MUC7: variants seen among roughly 807,000 people sequenced by gnomAD.
MUC7 encodes the protein mucin-7.
In MUC7, 2 loss-of-function variants were observed where a neutral mutation model predicts 2.5. That is an observed-to-expected ratio of 0.81 (90% CI 0.33 to 2.55). The LOEUF (loss-of-function observed/expected upper bound fraction) is 2.55, where lower values mean the gene tolerates loss of function less well. Ranked by LOEUF, MUC7 falls within the 30% of genes most tolerant of loss-of-function variation. The pLI is 0.11. For missense variants in MUC7, 408 were observed against 455.6 expected (o/e 0.90, Z 0.95); for synonymous variants, 133 against 173.4 (o/e 0.77, Z 1.83).
intron 1 of MUC7, among the ~76,000 whole-genome samples, chr4:70,438,756 C>A (rs1054300003): frequency 1.3e-5 from 2 of 152,046 alleles, no homozygotes; most frequent in Admixed American, 1.3e-4. Flanking sequence ...CCGCACCTGG[C>A]CAGAAATGAA....
intron 1 of MUC7, among the ~76,000 whole-genome samples, chr4:70,453,681 C>T (rs537945415): frequency 9.1e-4 from 138 of 152,280 alleles, no homozygotes; most frequent in African/African-American, 3.0e-3. Flanking sequence ...CTCTGCTTTT[C>T]TCAAGTAGAA....
At chr4:70,480,676 T>TA in intron 2 of MUC7, 123 bp from the exon 3 acceptor site, 1 of 991,334 alleles carries the variant, frequency 1.0e-6, no homozygotes, top group Non-Finnish European at 1.5e-6. Context: ...CTTGACTCAA[T>TA]AATGTACTCT....
At chr4:70,473,429 G>A (rs1056425731) in intron 1 of MUC7, among the ~76,000 whole-genome samples, 1 of 148,402 alleles carries the variant, frequency 6.7e-6, no homozygotes, top group Non-Finnish European at 1.5e-5. Context: ...GGACAACAGA[G>A]CGAGACTCTG....
chr4:70,433,394 C>A (rs1454520334), intron 1 of MUC7, among the ~76,000 whole-genome samples: 1 of 152,078 alleles, frequency 6.6e-6, no homozygotes, highest in Non-Finnish European at 1.5e-5. Flanking sequence ...TTTGTGTCCT[C>A]TTTTATTTTG....
intron 1 of MUC7, among the ~76,000 whole-genome samples, chr4:70,450,267 C>A (rs886516889): frequency 6.6e-6 from 1 of 152,192 alleles, no homozygotes; most frequent in African/African-American, 2.4e-5. Flanking sequence ...CAGACTACCA[C>A]CAATGTTTCC....
At chr4:70,436,406 CT>C (rs1192403416) in intron 1 of MUC7, among the ~76,000 whole-genome samples, 4 of 151,926 alleles carry the variant, frequency 2.6e-5, no homozygotes, top group South Asian at 2.1e-4. Flanking sequence ...TTTCTTTTCA[CT>C]TTTTTTTCTC....
intron 1 of MUC7, among the ~76,000 whole-genome samples, chr4:70,466,576 G>T (rs1009720857): frequency 1.3e-5 from 2 of 149,614 alleles, no homozygotes; most frequent in Non-Finnish European, 3.0e-5. Flanking sequence ...TTTACCAAGC[G>T]AATGGAAAGC....
chr4:70,456,835 CT>C (rs1334012481), intron 1 of MUC7, among the ~76,000 whole-genome samples: 7 of 152,186 alleles, frequency 4.6e-5, no homozygotes, highest in Admixed American at 4.6e-4. Context: ...TTAACTAACA[CT>C]TTAATTTTAT....
chr4:70,480,317 G>A (rs1010524878), intron 2 of MUC7, among the ~76,000 whole-genome samples: 4 of 152,162 alleles, frequency 2.6e-5, no homozygotes, highest in Non-Finnish European at 5.9e-5. Flanking sequence ...TTGTTTGTTG[G>A]GGCTTTGTTG....
intron 1 of MUC7, among the ~76,000 whole-genome samples, chr4:70,463,557 A>G (rs1462143389): frequency 6.6e-6 from 1 of 152,236 alleles, no homozygotes; most frequent in Non-Finnish European, 1.5e-5. Flanking sequence ...AGAAGAGCAG[A>G]ACTCAGTTGA....
chr4:70,434,383 G>C lies in MUC7; in HGVS notation c.-93+3696G>C, dbSNP rs1261525287. ...TTTTGTTGGTAAGCTATTAATTATT[G>C]CCTCAATTTCAGAACTTGTTATTGG... is the stretch of plus-strand genomic sequence containing the variant. On this transcript the variant is annotated intron_variant, in intron 1 of 3. Coordinates refer to the MUC7 transcript ENST00000413702. Among the ~76,000 whole-genome samples the C allele has an allele frequency of 2.0e-5, 3 of 152,236 alleles. No homozygotes were observed. The South Asian group carries it at 6.2e-4, about 32-fold the overall frequency.
upstream of MUC7, among the ~76,000 whole-genome samples, chr4:70,469,787 G>A (rs1734784198): frequency 6.6e-6 from 1 of 152,198 alleles, no homozygotes; most frequent in Non-Finnish European, 1.5e-5. Flanking sequence ...TGGAGAAATA[G>A]GAATGCTTTT....
intron 1 of MUC7, among the ~76,000 whole-genome samples, chr4:70,441,328 A>C (rs906455650): frequency 6.6e-6 from 1 of 152,236 alleles, no homozygotes; most frequent in African/African-American, 2.4e-5. Flanking sequence ...GCACATGAGT[A>C]CAACCATTAA....
chr4:70,481,236 C>T lies in MUC7; in HGVS notation c.492C>T (p.Asp164=). The change falls in exon 3 of 3, where the codon GAC becomes GAT. Residue 164 remains aspartate (D), a synonymous_variant. Transcript: ENST00000304887. ...LAPVNSPAPQ[D]TTAAPPTPSA... ...CAGTGAATTCCCCAGCTCCACAAGA[C>T]ACCACAGCTGCCCCACCCACACCTT... 1 of 1,613,662 alleles carries T rather than the reference C, an allele frequency of 6.2e-7. No individual in the cohort carries two copies. The highest frequency in any genetic ancestry group is 8.5e-7 in the Non-Finnish European group (1 of 1,179,898).
chr4:70,437,144 G>T (rs1269168096), intron 1 of MUC7, among the ~76,000 whole-genome samples: 1 of 152,134 alleles, frequency 6.6e-6, no homozygotes, highest in Non-Finnish European at 1.5e-5. Flanking sequence ...TTCCAGTCAG[G>T]CTACACAGGG....
At chr4:70,438,853 A>G (rs1048195698) in intron 1 of MUC7, among the ~76,000 whole-genome samples, 2 of 152,116 alleles carry the variant, frequency 1.3e-5, no homozygotes, top group African/African-American at 4.8e-5. Context: ...TAATAAACCT[A>G]CTCCAGGTTA....
At chr4:70,459,884 T>C (rs974108852) in intron 1 of MUC7, among the ~76,000 whole-genome samples, 3 of 152,212 alleles carry the variant, frequency 2.0e-5, no homozygotes, top group Non-Finnish European at 4.4e-5. Context: ...AGCAATTAGA[T>C]AGAAGGACTT....
intron 1 of MUC7, among the ~76,000 whole-genome samples, chr4:70,459,690 T>C (rs1055967899): frequency 1.3e-5 from 2 of 152,124 alleles, no homozygotes; most frequent in Non-Finnish European, 2.9e-5. Flanking sequence ...AAACCCCAAA[T>C]GAGACATTTA....
Position 70,482,012 on chromosome 4 carries a change from C to A in MUC7, c.*134C>A. 9.0e-7 allele frequency: 1 copy of A among 1,108,566 alleles called. No homozygotes were observed. Among genetic ancestry groups the A allele is most frequent in the Non-Finnish European group, 1.3e-6 (1 of 795,576 alleles). 68.7% of individuals were successfully genotyped at this position (1,108,566 alleles called of 1,614,324 possible). ...ATTTAAAGCACTATCATTAATCTTT[C>A]AATCTAATTATTCACCACCACAAGA... On this transcript the variant is annotated 3_prime_UTR_variant, in exon 3 of 3. Transcript: ENST00000304887.
Sources: allele counts gnomAD v4.1 joint callset (sites outside exome capture counted in the v4.1 genomes callset), GRCh38; gene constraint gnomAD v4.1.1; transcripts MANE v1.5; gene names NCBI Gene and HGNC (gene_info 2026-07-23, HGNC 2026-07-21).